The following ST6GALNAC5 variants were observed in gnomAD, a reference collection of about 807,000 sequenced individuals.
ST6GALNAC5 encodes the protein ST6 N-acetylgalactosaminide alpha-2,6-sialyltransferase 5, also known as alpha-N-acetylgalactosaminide alpha-2,6-sialyltransferase 5.
A neutral mutation model predicts 33.6 loss-of-function variants in ST6GALNAC5; 27 were observed. The ratio of observed to expected loss-of-function variants is 0.80; its 90% CI spans 0.59 to 1.11. The LOEUF (loss-of-function observed/expected upper bound fraction) is 1.11, where lower values mean the gene tolerates loss of function less well. ST6GALNAC5 is among the 50% of genes least tolerant of loss of function. The pLI is 0.00. For synonymous variants in ST6GALNAC5, 194 were observed against 171.2 expected (o/e 1.13, Z -1.04); for missense variants, 428 against 454.0 (o/e 0.94, Z 0.52).
At chr1:77,059,212 A>G (rs1325269178) in intron 4 of ST6GALNAC5, among the ~76,000 whole-genome samples, 2 of 152,212 alleles carry the variant, frequency 1.3e-5, no homozygotes, top group Non-Finnish European at 2.9e-5. Flanking sequence ...TAACATGAGT[A>G]TAATGCTCAG....
intron 2 of ST6GALNAC5, among the ~76,000 whole-genome samples, chr1:76,962,714 A>G (rs1648288484): frequency 6.6e-6 from 1 of 152,230 alleles, no homozygotes. Flanking sequence ...AAGTATTTTT[A>G]GAAGGAATCT....
At chr1:77,060,851 T>C (rs1230565450) in intron 4 of ST6GALNAC5, among the ~76,000 whole-genome samples, 2 of 152,072 alleles carry the variant, frequency 1.3e-5, no homozygotes, top group Non-Finnish European at 2.9e-5. Flanking sequence ...GCCAATAAAA[T>C]GTCCAAAACT....
chr1:76,980,503 A>ATCTAATATAGCAC (rs1327964506), intron 2 of ST6GALNAC5, among the ~76,000 whole-genome samples: 1 of 152,198 alleles, frequency 6.6e-6, no homozygotes, highest in Non-Finnish European at 1.5e-5. Flanking sequence ...ATTAGACTAT[A>ATCTAATATAGCAC]TCTATGTCAT....
intron 2 of ST6GALNAC5, among the ~76,000 whole-genome samples, chr1:76,967,432 A>G (rs774746445): frequency 1.1e-4 from 17 of 152,120 alleles, no homozygotes; most frequent in Non-Finnish European, 1.9e-4. Context: ...CAGTGGTGAC[A>G]TCCCCTTTAT....
At position 76,916,701 on chromosome 1, in the gene ST6GALNAC5, T is replaced by A. The variant is rs57145449; in HGVS notation, c.261+47959T>A. On this transcript the variant is annotated intron_variant, in intron 2 of 4. Coordinates refer to ENST00000477717, the MANE Select transcript of ST6GALNAC5 (RefSeq NM_030965.3). ...TCTAGACGGTGTGTCATAAGCCTTTTAAAAAAAAACGATTGTGTTTACCAA... is the reference window on the plus strand; with the variant it reads ...TCTAGACGGTGTGTCATAAGCCTTTAAAAAAAAAACGATTGTGTTTACCAA... Among the ~76,000 whole-genome samples the A allele has an allele frequency of 7.2e-3, 1,079 of 150,850 alleles. 15 individuals are homozygous for A. The highest frequency in any genetic ancestry group is 0.025 in the African/African-American group (1,005 of 40,860).
chr1:77,060,534 T>C (rs1015288344), intron 4 of ST6GALNAC5, among the ~76,000 whole-genome samples: 6 of 152,200 alleles, frequency 3.9e-5, no homozygotes, highest in African/African-American at 1.4e-4. Context: ...CAGCGCTGCC[T>C]TCTGAGTCCC....
chr1:77,056,662 A>G (rs1652410335), intron 4 of ST6GALNAC5, among the ~76,000 whole-genome samples: 1 of 152,166 alleles, frequency 6.6e-6, no homozygotes, highest in Non-Finnish European at 1.5e-5. Flanking sequence ...AAGCTTACTC[A>G]CAGAAGACGG....
At chr1:76,950,764 G>C (rs1647711363) in intron 2 of ST6GALNAC5, among the ~76,000 whole-genome samples, 1 of 152,092 alleles carries the variant, frequency 6.6e-6, no homozygotes, top group African/African-American at 2.4e-5. Context: ...GTAGGTTGTA[G>C]GGCATAGAAT....
Position 77,038,690 on chromosome 1 carries a change from G to A in ST6GALNAC5, c.262-5514G>A, listed in dbSNP as rs555161712. On this transcript the variant is annotated intron_variant, in intron 2 of 4. Transcript: ENST00000477717. Reference sequence around the variant, plus strand: ...CTCCAGAGCAGTCAGCCAGGTCACAGGGAGAATTCCTTCTGCTCTTGCTCT... The same window carrying A: ...CTCCAGAGCAGTCAGCCAGGTCACAAGGAGAATTCCTTCTGCTCTTGCTCT... Among the ~76,000 whole-genome samples, 21 of 152,350 alleles carry A rather than the reference G, an allele frequency of 1.4e-4. No individual in the cohort carries two copies. In the South Asian group the frequency reaches 4.3e-3, roughly 32 times the overall value.
intron 2 of ST6GALNAC5, among the ~76,000 whole-genome samples, chr1:77,015,705 T>G (rs1365309048): frequency 6.6e-6 from 1 of 151,650 alleles, no homozygotes; most frequent in Non-Finnish European, 1.5e-5. Flanking sequence ...TGGCAGAGGG[T>G]CCAGCAAGGT....
chr1:77,041,896 A>G (rs916038606), intron 2 of ST6GALNAC5, among the ~76,000 whole-genome samples: 1 of 152,324 alleles, frequency 6.6e-6, no homozygotes, highest in East Asian at 1.9e-4. Context: ...CTGATTAAAA[A>G]ATAGCATCAC....
chr1:76,875,478 C>T (rs7535901), intron 2 of ST6GALNAC5, among the ~76,000 whole-genome samples: 60,436 of 151,978 alleles, frequency 0.4, 12,438 homozygotes, highest in Non-Finnish European at 0.45. Context: ...CCCCAGCCAA[C>T]ACTGTAACTC....
At chr1:76,958,470 A>G (rs532438962) in intron 2 of ST6GALNAC5, among the ~76,000 whole-genome samples, 39 of 152,228 alleles carry the variant, frequency 2.6e-4, no homozygotes, top group African/African-American at 8.9e-4. Flanking sequence ...TCACTGTTTC[A>G]TGTTTTAATT....
At position 76,870,154 on chromosome 1, in the gene ST6GALNAC5, T is replaced by G. The variant is rs187475980; in HGVS notation, c.261+1412T>G. ...AAGCAGAAGGCTATCAATTTTACAA[T>G]TACAGCTTTTGTTTCCGCTCTTAGT... On this transcript the variant is annotated intron_variant, in intron 2 of 4. Coordinates refer to ENST00000477717, the MANE Select transcript of ST6GALNAC5 (RefSeq NM_030965.3). Among the ~76,000 whole-genome samples the G allele has an allele frequency of 2.6e-5, 4 of 152,360 alleles. No individual in the cohort carries two copies. The East Asian group carries it at 7.7e-4, about 29-fold the overall frequency.
At chr1:76,893,222 GGAAA>G (rs1364690464) in intron 2 of ST6GALNAC5, among the ~76,000 whole-genome samples, 1 of 152,044 alleles carries the variant, frequency 6.6e-6, no homozygotes, top group Non-Finnish European at 1.5e-5. Flanking sequence ...TAATAAGGAA[GGAAA>G]GAAAGAGGAA....
At chr1:76,966,866 T>C (rs993216244) in intron 2 of ST6GALNAC5, among the ~76,000 whole-genome samples, 6 of 152,278 alleles carry the variant, frequency 3.9e-5, no homozygotes, top group African/African-American at 1.2e-4. Flanking sequence ...ATGTGGTTTC[T>C]GTCATTGGTT....
At chr1:76,896,835 G>T (rs1187552568) in intron 2 of ST6GALNAC5, among the ~76,000 whole-genome samples, 11 of 152,168 alleles carry the variant, frequency 7.2e-5, no homozygotes, top group Non-Finnish European at 1.5e-4. Context: ...GCCTCTAAAA[G>T]TATTAAAGCA....
chr1:77,053,063 A>G (rs941297184), intron 4 of ST6GALNAC5, among the ~76,000 whole-genome samples: 2 of 152,200 alleles, frequency 1.3e-5, no homozygotes, highest in African/African-American at 4.8e-5. Flanking sequence ...AAAAAGATGC[A>G]GCTTTTGCAA....
intron 2 of ST6GALNAC5, among the ~76,000 whole-genome samples, chr1:76,968,973 T>G (rs1648620308): frequency 1.3e-5 from 2 of 152,338 alleles, no homozygotes; most frequent in Admixed American, 6.5e-5. Flanking sequence ...GGTCTTCCCT[T>G]TGTGCGTTAC....
Sources: allele counts gnomAD v4.1 joint callset (sites outside exome capture counted in the v4.1 genomes callset), GRCh38; gene constraint gnomAD v4.1.1; transcripts MANE v1.5; gene names NCBI Gene and HGNC (gene_info 2026-07-23, HGNC 2026-07-21).